EYS: variants seen among roughly 807,000 people sequenced by gnomAD.
EYS encodes the protein EGF-like photoreceptor maintenance factor.
Under a neutral mutation model 282.1 loss-of-function variants are expected in EYS, and 250 were observed. That is an observed-to-expected ratio of 0.89 (90% CI 0.80 to 0.98). EYS has a LOEUF of 0.98. EYS is among the 50% of genes least tolerant of loss of function. EYS has a pLI of 0.00. For synonymous variants in EYS, 1,355 were observed against 1,282.9 expected, an observed-to-expected ratio of 1.06 and a Z score of -1.20; for missense variants, 4,016 against 3,709.0, an observed-to-expected ratio of 1.08 and a Z score of -2.15.
At chr6:64,442,168 G>T (rs1774970910) in intron 26 of EYS, among the ~76,000 whole-genome samples, 1 of 152,180 alleles carries the variant, frequency 6.6e-6, no homozygotes, top group South Asian at 2.1e-4. Context: ...TTAGGAACTT[G>T]TTGGGAAATG....
rs375447284 is a variant in EYS at position 64,075,833 on chromosome 6, A to G, written c.6571+6023T>C. On this transcript the variant is annotated intron_variant, in intron 32 of 42. Coordinates refer to ENST00000503581, the MANE Select transcript of EYS (RefSeq NM_001142800.2). ...TTGACTTATTTCTTCATAAATTTCA[A>G]TTGTATAAGTAGAATATAATTGTTC... Among the ~76,000 whole-genome samples the G allele has an allele frequency of 3.3e-5, 5 of 152,098 alleles. No homozygotes were observed. In the South Asian group the frequency reaches 6.2e-4, roughly 19 times the overall value.
intron 30 of EYS, among the ~76,000 whole-genome samples, chr6:64,262,562 A>G (rs987041): frequency 0.69 from 104,021 of 151,644 alleles, 35,699 homozygotes; most frequent in South Asian, 0.71. Context: ...ATATCTAAGT[A>G]AAAATTTGAC....
intron 31 of EYS, among the ~76,000 whole-genome samples, chr6:64,083,625 T>C (rs1772049129): frequency 2.0e-5 from 3 of 152,206 alleles, no homozygotes; most frequent in African/African-American, 7.2e-5. Flanking sequence ...TCTTGCTCTT[T>C]AGGAAGGGAA....
chr6:64,506,575 T>C (rs1777212107), intron 26 of EYS, among the ~76,000 whole-genome samples: 1 of 152,132 alleles, frequency 6.6e-6, no homozygotes, highest in Non-Finnish European at 1.5e-5. Context: ...TGTCAAAGGA[T>C]CAGTTCAAAG....
chr6:64,776,135 G>C (rs557184218), intron 22 of EYS, among the ~76,000 whole-genome samples: 218 of 152,204 alleles, frequency 1.4e-3, no homozygotes, highest in Non-Finnish European at 2.7e-3. Context: ...CTTAGAAAGA[G>C]AGCATTTGAA....
intron 35 of EYS, among the ~76,000 whole-genome samples, chr6:63,891,739 A>G (rs538134562): frequency 6.6e-6 from 1 of 152,346 alleles, no homozygotes; most frequent in South Asian, 2.1e-4. Flanking sequence ...GGCCAGGGGA[A>G]TCAGGCAAGA....
chr6:64,671,805 C>T (rs1045945649), intron 22 of EYS, among the ~76,000 whole-genome samples: 3 of 151,930 alleles, frequency 2.0e-5, no homozygotes, highest in Admixed American at 6.6e-5. Context: ...TATATTCCTG[C>T]TCAGTGTTTG....
At chr6:65,235,459 G>T (rs1272206377) in intron 12 of EYS, among the ~76,000 whole-genome samples, 1 of 152,072 alleles carries the variant, frequency 6.6e-6, no homozygotes, top group African/African-American at 2.4e-5. Flanking sequence ...TGGTATGAAG[G>T]TTTGGCAATT....
At chr6:65,115,935 T>C (rs1047283970) in intron 12 of EYS, among the ~76,000 whole-genome samples, 7 of 136,732 alleles carry the variant, frequency 5.1e-5, no homozygotes, top group African/African-American at 1.9e-4. Flanking sequence ...CTCAATGAAA[T>C]AACTATGTCT....
At chr6:64,413,301 T>C (rs1773962644) in intron 28 of EYS, among the ~76,000 whole-genome samples, 1 of 152,066 alleles carries the variant, frequency 6.6e-6, no homozygotes, top group African/African-American at 2.4e-5. Context: ...AGGCCTGCAG[T>C]TGGTAATGGC....
chr6:65,606,646 A>C (rs889283837), intron 2 of EYS, among the ~76,000 whole-genome samples: 2 of 151,838 alleles, frequency 1.3e-5, no homozygotes, highest in Non-Finnish European at 2.9e-5. Flanking sequence ...TCTATAACAA[A>C]TACAACTGGC....
intron 22 of EYS, among the ~76,000 whole-genome samples, chr6:64,658,642 A>G (rs1452486768): frequency 1.3e-5 from 2 of 152,180 alleles, no homozygotes; most frequent in Non-Finnish European, 2.9e-5. Context: ...TTGCCTGGGT[A>G]TCAGCAGCGG....
chr6:65,006,296 G>A (rs1431779156), intron 13 of EYS, among the ~76,000 whole-genome samples: 1 of 151,828 alleles, frequency 6.6e-6, no homozygotes, highest in Non-Finnish European at 1.5e-5. Flanking sequence ...TTAAAAGCCA[G>A]GGTAAATTTA....
intron 31 of EYS, among the ~76,000 whole-genome samples, chr6:64,083,430 T>C (rs2149870389): frequency 6.6e-6 from 1 of 152,308 alleles, no homozygotes; most frequent in East Asian, 1.9e-4. Flanking sequence ...TGACACCTGC[T>C]GTCTTCCTTG....
intron 26 of EYS, among the ~76,000 whole-genome samples, chr6:64,451,827 C>A (rs1399913719): frequency 1.3e-5 from 2 of 152,178 alleles, no homozygotes; most frequent in African/African-American, 4.8e-5. Context: ...GCTAAAAACT[C>A]TCAATAAATT....
intron 22 of EYS, among the ~76,000 whole-genome samples, chr6:64,651,677 G>A (rs987500424): frequency 2.6e-5 from 4 of 151,852 alleles, no homozygotes; most frequent in Admixed American, 6.6e-5. Flanking sequence ...GCGAGACTCC[G>A]TCTCAAAAAA....
chr6:65,214,158 C>CAAAAAAAAAAAAAA lies in EYS; in HGVS notation c.2023+81691_2023+81704dup, dbSNP rs58213904. 6.8e-5 allele frequency among the ~76,000 whole-genome samples: 2 copies of CAAAAAAAAAAAAAA among 29,242 alleles called. 1 individual carries two copies. The allele number at this position is 29,242 out of a possible 152,430, so 19.2% of individuals were successfully genotyped here. On this transcript the variant is annotated intron_variant, in intron 12 of 42. Coordinates refer to ENST00000503581, the MANE Select transcript of EYS (RefSeq NM_001142800.2). ...TGGGCGACAGAGCAAGACTCCGTCTCAAAAAAAAAAAAAAAAAAAAAAAAA... is the reference window on the plus strand; with the variant it reads ...TGGGCGACAGAGCAAGACTCCGTCTCAAAAAAAAAAAAAAAAAAAAAAAAAAAAAAAAAAAAAAA...
At chr6:63,899,044 T>G (rs1773601030) in intron 35 of EYS, among the ~76,000 whole-genome samples, 2 of 152,172 alleles carry the variant, frequency 1.3e-5, no homozygotes, top group African/African-American at 4.8e-5. Flanking sequence ...TGCCTAAAGG[T>G]TAAGCTGAAA....
intron 11 of EYS, among the ~76,000 whole-genome samples, chr6:65,305,205 T>C (rs1174080934): frequency 6.6e-6 from 1 of 151,834 alleles, no homozygotes; most frequent in African/African-American, 2.4e-5. Context: ...TGTCATACCC[T>C]TCTCTCCACA....
Sources: gnomAD v4.1 joint callset for allele counts (sites outside exome capture counted in the v4.1 genomes callset) on GRCh38, gnomAD v4.1.1 for gene constraint, MANE v1.5 for transcripts, NCBI Gene and HGNC (gene_info 2026-07-23, HGNC 2026-07-21) for gene names.